The following NBPF20 variants were observed in gnomAD, a reference collection of about 807,000 sequenced individuals.
NBPF20 encodes NBPF family member NBPF20.
In NBPF20, 90 loss-of-function variants were observed where a neutral mutation model predicts 68.1. The ratio of observed to expected loss-of-function variants is 1.32; its 90% CI spans 1.11 to 1.58. The LOEUF is 1.58. NBPF20 is among the 40% of genes most tolerant of loss of function. The pLI, the probability that NBPF20 is intolerant of heterozygous loss-of-function variation, is 0.00. For missense variants in NBPF20, 816 were observed against 601.2 expected (o/e 1.36, Z -3.74); for synonymous variants, 290 against 228.1 (o/e 1.27, Z -2.45).
At chr1:145,309,515 T>C (rs1661449496) in intron 115 of NBPF20, among the ~76,000 whole-genome samples, 1 of 68,464 alleles carries the variant, frequency 1.5e-5, no homozygotes, top group Non-Finnish European at 2.8e-5. Flanking sequence ...GAGAACGAGC[T>C]CAGTGAATTA....
At chr1:145,419,208 AAG>A in the NBPF20 span, among the ~76,000 whole-genome samples, 1 of 149,082 alleles carries the variant, frequency 6.7e-6, no homozygotes, top group African/African-American at 2.5e-5. Flanking sequence ...GAGAGAGAAA[AAG>A]AGTGGGAGAG....
chr1:145,406,085 ATTTTTTT>A (rs587699811), upstream of NBPF20, among the ~76,000 whole-genome samples: 85 of 117,648 alleles, frequency 7.2e-4, no homozygotes, highest in East Asian at 0.013. Flanking sequence ...CGCCCGGCTA[ATTTTTTT>A]TTTTTTTTTT....
the NBPF20 span, among the ~76,000 whole-genome samples, chr1:145,417,708 T>C: frequency 1.4e-5 from 2 of 143,984 alleles, no homozygotes; most frequent in East Asian, 4.0e-4. Context: ...AGAAAGATGC[T>C]CAAAATCATT....
At chr1:145,334,879 G>T (rs1457970793) in intron 83 of NBPF20, among the ~76,000 whole-genome samples, 1 of 137,856 alleles carries the variant, frequency 7.3e-6, no homozygotes, top group Admixed American at 7.3e-5. Flanking sequence ...AGCTCAGCGA[G>T]TTGGCCGGGT....
chr1:145,311,812 C>A (rs1661489229), intron 112 of NBPF20, among the ~76,000 whole-genome samples: 1 of 96,428 alleles, frequency 1.0e-5, no homozygotes, highest in Admixed American at 1.0e-4. Flanking sequence ...AAAAACTGCA[C>A]TATTCAGCCC....
chr1:145,399,836 G>T (rs1335854316), intron 6 of NBPF20, among the ~76,000 whole-genome samples: 2 of 139,010 alleles, frequency 1.4e-5, no homozygotes, highest in African/African-American at 5.4e-5. Context: ...ATCAGCCATT[G>T]CATTGACAGG....
intron 9 of NBPF20, 71 bp downstream of exon 14, chr1:145,393,813 A>G: frequency 3.2e-6 from 4 of 1,247,716 alleles, no homozygotes; most frequent in Admixed American, 1.7e-5. Flanking sequence ...TTCAGCATGT[A>G]CTGTTTTCCC....
intron 7 of NBPF20, among the ~76,000 whole-genome samples, chr1:145,398,255 C>T (rs1662355557): frequency 6.6e-6 from 1 of 151,598 alleles, no homozygotes; most frequent in Admixed American, 6.6e-5. Flanking sequence ...CAGAACTCTC[C>T]ACCCCAAATC....
chr1:145,396,683 G>T (rs1662258482), intron 7 of NBPF20, among the ~76,000 whole-genome samples: 2 of 150,458 alleles, frequency 1.3e-5, no homozygotes, highest in South Asian at 2.1e-4. Flanking sequence ...CCAGAAGAGA[G>T]TGGGAGCAAT....
intron 137 of NBPF20, 43 bp from the exon 143 acceptor site, chr1:145,291,812 A>ATG (rs1661118599): frequency 1.9e-6 from 3 of 1,612,014 alleles, no homozygotes; most frequent in Non-Finnish European, 2.5e-6. Flanking sequence ...AGGGAAAATC[A>ATG]GAAACCACAG....
intron 9 of NBPF20, 42 bp downstream of exon 14, chr1:145,393,842 G>A (rs1436879197): frequency 2.8e-6 from 4 of 1,406,524 alleles, no homozygotes; most frequent in South Asian, 1.1e-5. Context: ...GCATCTCCAG[G>A]TGTCAACATC....
At chr1:145,397,787 G>A (rs1235395334) in intron 7 of NBPF20, among the ~76,000 whole-genome samples, 32 of 152,106 alleles carry the variant, frequency 2.1e-4, no homozygotes, top group African/African-American at 7.2e-4. Flanking sequence ...AACACAGAAT[G>A]GCAAATTGGA....
At chr1:145,425,031 G>C in the NBPF20 span, among the ~76,000 whole-genome samples, 1 of 152,098 alleles carries the variant, frequency 6.6e-6, no homozygotes, top group African/African-American at 2.4e-5. Flanking sequence ...GGGGTGCGGG[G>C]TCAGGGTCCT....
chr1:145,393,935 C>G lies in NBPF20; in HGVS notation c.992G>C (p.Arg331Thr), dbSNP rs1163594221. The change falls in exon 9 of 138, where the codon AGA (arginine) becomes ACA (threonine). Residue 331 changes from arginine to threonine, a missense_variant and splice_region_variant. Physicochemically the swap from Arg to Thr is moderately conservative, Grantham distance 71. Transcript: ENST00000369373. ...CTTTTTCACTTGATCCCACCGATGT[C>G]CTGCAAATAAATTCAGATGGGCCCT... 3.1e-4 allele frequency: 429 copies of G among 1,364,626 alleles called. 2 individuals are homozygous for G. The Middle Eastern group carries it at 6.0e-3, about 19-fold the overall frequency. 84.5% of individuals were successfully genotyped at this position (1,364,626 alleles called of 1,614,324 possible).
chr1:145,403,797 C>T (rs1406072910), intron 2 of NBPF20, among the ~76,000 whole-genome samples: 4 of 151,524 alleles, frequency 2.6e-5, no homozygotes, highest in Non-Finnish European at 2.9e-5. Context: ...TAAATCATAT[C>T]TTCAGTTATG....
rs1365163630 is a variant in NBPF20 at position 145,395,022 on chromosome 1, T to A, written c.947A>T (p.His316Leu). Residue 316 changes from histidine to leucine, a missense_variant, in exon 8 of 138, where the codon CAC (histidine) becomes CTC (leucine). By Grantham distance (99) the His-to-Leu change is moderately conservative. Transcript: ENST00000369373. ...GCAGACTTGCTGTTCCTCTAATGAGTGAAATGTGCTGCTGTAAGACTGGTA... is the reference window on the plus strand; with the variant it reads ...GCAGACTTGCTGTTCCTCTAATGAGAGAAATGTGCTGCTGTAAGACTGGTA... The A allele has an allele frequency of 1.3e-4, 205 of 1,611,596 alleles. No individual in the cohort carries two copies. The African/African-American group carries it at 2.6e-3, about 20-fold the overall frequency.
upstream of NBPF20, chr1:145,408,303 G>C (rs1342202674): frequency 6.5e-6 from 1 of 153,524 alleles, no homozygotes; most frequent in Non-Finnish European, 1.5e-5. Context: ...CATGGGCTGG[G>C]GGCCAGGGAT....
chr1:145,394,312 G>A (rs1354714853), intron 8 of NBPF20, among the ~76,000 whole-genome samples: 2 of 151,528 alleles, frequency 1.3e-5, no homozygotes, highest in Non-Finnish European at 2.9e-5. Context: ...TTATGAGATT[G>A]TGGACACAGA....
At chr1:145,290,230 A>C (rs1190153154) in exon 138 of NBPF20, 1 of 148,662 alleles carries the variant, frequency 6.7e-6, no homozygotes, top group Non-Finnish European at 1.5e-5. Context: ...GATCATTAGA[A>C]TACAGGATAT....
Sources: allele counts gnomAD v4.1 joint callset (sites outside exome capture counted in the v4.1 genomes callset), GRCh38; gene constraint gnomAD v4.1.1; transcripts MANE v1.5; gene names NCBI Gene and HGNC (gene_info 2026-07-23, HGNC 2026-07-21).